POMT2: variants seen among roughly 807,000 people sequenced by gnomAD.
POMT2 encodes the protein protein O-mannosyl-transferase 2.
In POMT2, 75 loss-of-function variants were observed where a neutral mutation model predicts 100.0. The observed-to-expected ratio is 0.75, with a 90% CI of 0.62 to 0.91. POMT2 has a LOEUF of 0.91. Among genes scored for constraint, POMT2 ranks in the 40% least tolerant of loss-of-function variants. POMT2 has a pLI of 0.00. For synonymous variants in POMT2, 378 were observed against 374.1 expected (o/e 1.01, Z -0.12); for missense variants, 940 against 955.1 (o/e 0.98, Z 0.21).
intron 3 of POMT2, 153 bp downstream of exon 3, chr14:77,306,184 C>A: frequency 7.5e-7 from 1 of 1,341,360 alleles, no homozygotes; most frequent in Non-Finnish European, 1.0e-6. Context: ...AGTATCTACA[C>A]CACAGGGGAG....
intron 7 of POMT2, 137 bp from the exon 8 acceptor site, chr14:77,298,908 G>T: frequency 1.1e-6 from 1 of 886,574 alleles, no homozygotes; most frequent in Non-Finnish European, 1.8e-6. Context: ...GGGTGATGGA[G>T]TTGGAGAAAC....
In POMT2 at chr14:77,277,292, C is replaced by T; in HGVS notation, c.*84G>A. The stretch of plus-strand genomic sequence containing the variant: ...TTCTTCGGGCTCCTTAGGCAGCTTC[C>T]TCATGGCCGGATGGTCCAGTACTGC... On this transcript the variant is annotated 3_prime_UTR_variant, in exon 21 of 21. Transcript: ENST00000261534. 1 of 1,236,980 alleles carries T rather than the reference C, an allele frequency of 8.1e-7. No individual in the cohort carries two copies. The highest frequency in any genetic ancestry group is 1.8e-5 in the Admixed American group (1 of 55,494). 76.6% of individuals were successfully genotyped at this position (1,236,980 alleles called of 1,614,324 possible).
intron 1 of POMT2, chr14:77,319,609 G>C (rs1278953198): frequency 6.6e-6 from 1 of 152,252 alleles, no homozygotes; most frequent in African/African-American, 2.4e-5. Context: ...TAAAACAGCA[G>C]ATTTTCCAAG....
intron 10 of POMT2, 97 bp downstream of exon 10, chr14:77,291,217 G>T: frequency 8.4e-7 from 1 of 1,192,420 alleles, no homozygotes; most frequent in Non-Finnish European, 1.2e-6. Context: ...GCTCAGCAAA[G>T]CCCATCTCAG....
chr14:77,293,597 G>C (rs1324577249), intron 9 of POMT2, among the ~76,000 whole-genome samples: 2 of 152,176 alleles, frequency 1.3e-5, no homozygotes, highest in African/African-American at 2.4e-5. Flanking sequence ...ACCTAGACAT[G>C]TTAACAAGAC....
At chr14:77,299,415 G>A (rs780532157) in intron 7 of POMT2, 40 bp downstream of exon 7, 1 of 1,582,328 alleles carries the variant, frequency 6.3e-7, no homozygotes, top group East Asian at 2.2e-5. Context: ...GGAGCAAAAG[G>A]AAAACCAGAA....
Position 77,308,826 on chromosome 14 carries a change from G to C in POMT2, c.334-2385C>G, listed in dbSNP as rs1891332926. 7.2e-5 allele frequency: 32 copies of C among 443,002 alleles called. 1 individual carries two copies. The highest frequency in any genetic ancestry group is 5.0e-4 in the South Asian group (31 of 61,820). 27.4% of individuals were successfully genotyped at this position (443,002 alleles called of 1,614,324 possible). ...TATTCTTCGATTTTTTAGCTTGGCT[G>C]CTGGGAATTTTTCATATATACCTGC... On this transcript the variant is annotated intron_variant, in intron 2 of 20. Coordinates refer to ENST00000261534, the MANE Select transcript of POMT2 (RefSeq NM_013382.7).
At position 77,296,251 on chromosome 14, in the gene POMT2, G is replaced by A. The variant is rs758645178; in HGVS notation, c.1029C>T (p.Ile343=). 13 of 1,605,770 alleles carry A rather than the reference G, an allele frequency of 8.1e-6. No individual in the cohort carries two copies. In the East Asian group the frequency reaches 2.9e-4, roughly 36 times the overall value. The change falls in exon 9 of 21, where the codon ATC becomes ATT. Residue 343 remains isoleucine (I), a synonymous_variant. Coordinates refer to ENST00000261534, the MANE Select transcript of POMT2 (RefSeq NM_013382.7). ...TGGCCATCCGGAGGTTCTTCACAGT[G>A]ATCACAGAGCCGTAGGCCAGGTCTG... ...IPEHLAYGSV[I]TVKNLRMAIG...
chr14:77,302,564 C>A (rs968183638), intron 5 of POMT2, among the ~76,000 whole-genome samples: 1 of 152,152 alleles, frequency 6.6e-6, no homozygotes, highest in Non-Finnish European at 1.5e-5. Flanking sequence ...CCATTGTAAA[C>A]ATGATAATAA....
Position 77,285,639 on chromosome 14 carries a change from T to G in POMT2, c.1333-7A>C. On this transcript the variant is annotated splice_polypyrimidine_tract_variant and splice_region_variant and intron_variant, in intron 12 of 20. Transcript: ENST00000261534. ...TTGAGTCCCCTGTTCCATTCTGCCA[T>G]AAAAGCCAAGAAAAAAATACAAAGA... 6.2e-7 allele frequency: 1 copy of G among 1,611,510 alleles called. No individual in the cohort carries two copies. The highest frequency in any genetic ancestry group is 2.2e-5 in the East Asian group (1 of 44,852).
At position 77,291,392 on chromosome 14, in the gene POMT2, GTGGGGGC is replaced by G; in HGVS notation, c.1117-19_1117-13del. 5.4e-6 allele frequency: 3 copies of G among 556,748 alleles called. No individual in the cohort carries two copies. Among genetic ancestry groups the G allele is most frequent in the East Asian group, 5.9e-5 (1 of 16,966 alleles). 34.5% of individuals were successfully genotyped at this position (556,748 alleles called of 1,614,324 possible). ...AAATAGGTGGTGACCTGGGTGGGGG[GTGGGGGC>G]GGAGGGAAGAGGAAGCAGGAGGGAG... On this transcript the variant is annotated splice_polypyrimidine_tract_variant and intron_variant, in intron 9 of 20. Transcript: ENST00000261534.
chr14:77,285,483 C>G lies in POMT2; in HGVS notation c.1482G>C (p.Lys494Asn). ...VLGSSGKVLP[K>N]WGWEQLEVTC... Reference sequence around the variant, plus strand: ...ACAGCAAAACCCTAGAGACTTACCACTTGGGCAGAACCTTTCCCGAGGAGC... The same window carrying G: ...ACAGCAAAACCCTAGAGACTTACCAGTTGGGCAGAACCTTTCCCGAGGAGC... The change falls in exon 13 of 21, where the codon AAG (lysine) becomes AAC (asparagine). Residue 494 changes from lysine (K) to asparagine (N), a missense_variant and splice_region_variant. By Grantham distance (94) the Lys-to-Asn change is moderately conservative. Coordinates refer to ENST00000261534, the MANE Select transcript of POMT2 (RefSeq NM_013382.7). 1 of 1,614,084 alleles carries G rather than the reference C, an allele frequency of 6.2e-7. No homozygotes were observed. The highest frequency in any genetic ancestry group is 8.5e-7 in the Non-Finnish European group (1 of 1,179,958).
chr14:77,300,815 A>T, intron 6 of POMT2: 1 of 391,162 alleles, frequency 2.6e-6, no homozygotes, highest in Non-Finnish European at 4.7e-6. Flanking sequence ...GTGAAACTCT[A>T]TCTCAAAAAA....
chr14:77,285,554 T>C lies in POMT2; in HGVS notation c.1411A>G (p.Arg471Gly). Residue 471 changes from arginine (R) to glycine (G), a missense_variant, in exon 13 of 21, where the codon AGA becomes GGA. Physicochemically the swap from Arg to Gly is moderately radical, Grantham distance 125 (BLOSUM62 -2). Transcript: ENST00000261534. ...AAATGGATGAAGCGAATTCGACTTC[T>C]CAGCACTTTGATCCGGTTTCCAAAT... ...RKFGNRIKVL[R>G]SRIRFIHLVT... 1 of 1,614,154 alleles carries C rather than the reference T, an allele frequency of 6.2e-7. No homozygotes were observed. The highest frequency in any genetic ancestry group is 8.5e-7 in the Non-Finnish European group (1 of 1,180,020).
chr14:77,319,276 G>C (rs1378798861), intron 1 of POMT2, among the ~76,000 whole-genome samples: 1 of 152,148 alleles, frequency 6.6e-6, no homozygotes, highest in African/African-American at 2.4e-5. Context: ...ACTGTAAGCT[G>C]GCCTTATTCT....
Position 77,304,813 on chromosome 14 carries a change from TA to T in POMT2, c.439-14del. ...GGAATGCACAGAACTGTGGGAGGAA[TA>T]GAGAAGCTGTCAAATAACAAGCTGA... On this transcript the variant is annotated splice_polypyrimidine_tract_variant and intron_variant, in intron 3 of 20. Transcript: ENST00000261534. The T allele has an allele frequency of 6.4e-7, 1 of 1,573,866 alleles. No individual in the cohort carries two copies. The highest frequency in any genetic ancestry group is 2.3e-5 in the East Asian group (1 of 43,646).
At chr14:77,298,855 C>T in intron 7 of POMT2, 84 bp from the exon 8 acceptor site, 1 of 1,278,916 alleles carries the variant, frequency 7.8e-7, no homozygotes, top group Non-Finnish European at 1.1e-6. Flanking sequence ...GAGCTCTGCT[C>T]AGATAGTTTA....
At chr14:77,287,896 T>C (rs1378918506) in intron 11 of POMT2, 1 of 152,174 alleles carries the variant, frequency 6.6e-6, no homozygotes, top group East Asian at 1.9e-4. Context: ...TCCAAGTTCA[T>C]GTGAGGATCA....
chr14:77,287,259 T>G (rs1012986995), intron 11 of POMT2: 8 of 189,992 alleles, frequency 4.2e-5, no homozygotes, highest in Non-Finnish European at 8.9e-5. Flanking sequence ...GCCAGATTTT[T>G]TTAAGTGGAC....
Sources: gnomAD v4.1 joint callset for allele counts (sites outside exome capture counted in the v4.1 genomes callset) on GRCh38, gnomAD v4.1.1 for gene constraint, MANE v1.5 for transcripts, NCBI Gene and HGNC (gene_info 2026-07-23, HGNC 2026-07-21) for gene names.